The following GALNT13 variants were observed in gnomAD, a reference collection of about 807,000 sequenced individuals.
The protein encoded by GALNT13 is polypeptide N-acetylgalactosaminyltransferase 13.
A neutral mutation model predicts 64.2 loss-of-function variants in GALNT13; 28 were observed. That is an observed-to-expected ratio of 0.44 (90% confidence interval 0.32 to 0.60). The LOEUF is 0.60. Among genes scored for constraint, GALNT13 ranks in the 20% least tolerant of loss-of-function variants. The pLI is 0.05. For missense variants in GALNT13, 577 were observed against 669.8 expected (o/e 0.86, Z 1.53); for synonymous variants, 214 against 224.6 (o/e 0.95, Z 0.42).
At chr2:153,711,353 G>GC in the GALNT13 span, among the ~76,000 whole-genome samples, 17 of 152,230 alleles carry the variant, frequency 1.1e-4, no homozygotes, top group Non-Finnish European at 2.4e-4. Flanking sequence ...AATAGCTCAA[G>GC]CTATAGGCTT....
At chr2:153,883,909 T>G (rs191971553) in intron 1 of GALNT13, among the ~76,000 whole-genome samples, 1 of 152,190 alleles carries the variant, frequency 6.6e-6, no homozygotes, top group East Asian at 1.9e-4. Flanking sequence ...CAGTCAATCT[T>G]ACTTAAAATG....
rs574596492 is a variant in GALNT13, at chr2:153,976,007, T to C, written c.142+31368T>C. Among the ~76,000 whole-genome samples the C allele has an allele frequency of 1.1e-4, 17 of 152,234 alleles. No individual in the cohort carries two copies. In the East Asian group the frequency reaches 3.1e-3, roughly 28 times the overall value. On this transcript the variant is annotated intron_variant, in intron 3 of 12. Transcript: ENST00000392825. Reference sequence around the variant, plus strand: ...GGGGAAAAAGAAAAATAAATAAATATCACATCCCAACATACCTCACCTGAC... The same window carrying C: ...GGGGAAAAAGAAAAATAAATAAATACCACATCCCAACATACCTCACCTGAC...
the GALNT13 span, among the ~76,000 whole-genome samples, chr2:153,255,955 T>A: frequency 6.6e-6 from 1 of 152,320 alleles, no homozygotes; most frequent in Middle Eastern, 3.4e-3. Flanking sequence ...TTGGAGTTGC[T>A]CTTCTCGAGG....
chr2:153,333,266 C>T, the GALNT13 span, among the ~76,000 whole-genome samples: 1 of 152,190 alleles, frequency 6.6e-6, no homozygotes, highest in South Asian at 2.1e-4. Context: ...AAGACAGCTC[C>T]AGTGTTTGGG....
chr2:153,298,226 C>T, the GALNT13 span, among the ~76,000 whole-genome samples: 2 of 152,156 alleles, frequency 1.3e-5, no homozygotes, highest in East Asian at 1.9e-4. Flanking sequence ...GTGACTTTAA[C>T]GGTGGAACAT....
At chr2:153,257,363 A>G in the GALNT13 span, among the ~76,000 whole-genome samples, 3 of 151,970 alleles carry the variant, frequency 2.0e-5, no homozygotes, top group African/African-American at 4.8e-5. Flanking sequence ...GGCACTCCCT[A>G]GTGAGATGAA....
At chr2:153,261,057 A>C in the GALNT13 span, among the ~76,000 whole-genome samples, 1 of 151,780 alleles carries the variant, frequency 6.6e-6, no homozygotes, top group Non-Finnish European at 1.5e-5. Context: ...CTTTTTCATT[A>C]TTTTTATTTC....
At chr2:153,516,152 A>G in the GALNT13 span, among the ~76,000 whole-genome samples, 1 of 152,204 alleles carries the variant, frequency 6.6e-6, no homozygotes, top group African/African-American at 2.4e-5. Flanking sequence ...TTGATCTACC[A>G]TTATTGTACT....
the GALNT13 span, among the ~76,000 whole-genome samples, chr2:153,834,023 T>G: frequency 1.3e-5 from 2 of 152,254 alleles, no homozygotes; most frequent in East Asian, 1.9e-4. Flanking sequence ...TTAATTTTTT[T>G]TGTGATTTAG....
the GALNT13 span, among the ~76,000 whole-genome samples, chr2:153,326,042 TG>T: frequency 6.6e-6 from 1 of 152,198 alleles, no homozygotes; most frequent in Non-Finnish European, 1.5e-5. Context: ...GTTCAAGTCC[TG>T]AATATCCTTG....
chr2:154,131,167 G>A lies in GALNT13; in HGVS notation c.143-9170G>A, dbSNP rs372918064. On this transcript the variant is annotated intron_variant, in intron 3 of 12. Transcript: ENST00000392825. ...ATTTCAGCATAATTTTATTATCTTA[G>A]TGAACACTTTAAAAGTTGGGTCAAT... 3.0e-4 allele frequency among the ~76,000 whole-genome samples: 45 copies of A among 152,230 alleles called. No individual in the cohort carries two copies. The South Asian group carries it at 8.7e-3, about 29-fold the overall frequency.
chr2:153,115,264 A>G, the GALNT13 span, among the ~76,000 whole-genome samples: 1 of 152,198 alleles, frequency 6.6e-6, no homozygotes, highest in Non-Finnish European at 1.5e-5. Flanking sequence ...GAAATTTTCC[A>G]TATCCAAGTT....
At chr2:153,132,063 C>A in the GALNT13 span, among the ~76,000 whole-genome samples, 1 of 152,118 alleles carries the variant, frequency 6.6e-6, no homozygotes, top group South Asian at 2.1e-4. Context: ...GCTGAGACTG[C>A]CAGCTTTGTG....
the GALNT13 span, among the ~76,000 whole-genome samples, chr2:153,772,149 C>T: frequency 2.6e-5 from 4 of 152,212 alleles, no homozygotes; most frequent in African/African-American, 4.8e-5. Flanking sequence ...GAGCATTAGT[C>T]CTCCAATGCA....
the GALNT13 span, among the ~76,000 whole-genome samples, chr2:153,332,498 A>G: frequency 7.1e-6 from 1 of 140,332 alleles, no homozygotes; most frequent in African/African-American, 2.6e-5. Flanking sequence ...CTTGATATTG[A>G]TTTCTATTTT....
At chr2:153,375,405 G>A in the GALNT13 span, among the ~76,000 whole-genome samples, 4 of 152,076 alleles carry the variant, frequency 2.6e-5, no homozygotes, top group Non-Finnish European at 5.9e-5. Context: ...AGGCCATACT[G>A]TTTTTCATTC....
intron 4 of GALNT13, 41 bp downstream of exon 4, chr2:154,140,546 C>T (rs1024777370): frequency 2.9e-6 from 4 of 1,367,006 alleles, no homozygotes; most frequent in South Asian, 2.5e-5. Flanking sequence ...TATTCATAAT[C>T]ACCATATTTC....
At chr2:154,395,889 C>A in intron 9 of GALNT13, 102 bp from the exon 10 acceptor site, 1 of 1,062,890 alleles carries the variant, frequency 9.4e-7, no homozygotes, top group Non-Finnish European at 1.3e-6. Context: ...ATTGAATTTG[C>A]TGGAATTATG....
intron 2 of GALNT13, among the ~76,000 whole-genome samples, chr2:153,930,008 C>G (rs1488045406): frequency 1.3e-5 from 2 of 152,022 alleles, no homozygotes; most frequent in African/African-American, 4.8e-5. Context: ...TTGCCAGCCT[C>G]TGTTATTTTT....
Sources: allele counts gnomAD v4.1 joint callset (sites outside exome capture counted in the v4.1 genomes callset), GRCh38; gene constraint gnomAD v4.1.1; transcripts MANE v1.5; gene names NCBI Gene and HGNC (gene_info 2026-07-23, HGNC 2026-07-21).